Variants in PAN2 observed in about 807,000 individuals in gnomAD.
The protein encoded by PAN2 is poly(A) specific ribonuclease subunit PAN2, also known as PAN2-PAN3 deadenylation complex catalytic subunit PAN2.
In PAN2, 68 loss-of-function variants were observed where a neutral mutation model predicts 133.3. The ratio of observed to expected loss-of-function variants is 0.51; its 90% CI spans 0.42 to 0.62. The LOEUF is 0.62. Among genes scored for constraint, PAN2 ranks in the 20% least tolerant of loss-of-function variants. The pLI, the probability that PAN2 is intolerant of heterozygous loss-of-function variation, is 0.00. For missense variants in PAN2, 1,042 were observed against 1,500.5 expected (o/e 0.69, Z 5.05); for synonymous variants, 462 against 544.6 (o/e 0.85, Z 2.11).
intron 5 of PAN2, 132 bp downstream of exon 5, chr12:56,327,863 A>G (rs1875294502): frequency 6.9e-7 from 1 of 1,441,190 alleles, no homozygotes; most frequent in Admixed American, 2.5e-5. Flanking sequence ...ATCACTGAGT[A>G]GGAAGTGAAT....
intron 9 of PAN2, 68 bp downstream of exon 9, chr12:56,325,267 T>C: frequency 6.2e-7 from 1 of 1,602,080 alleles, no homozygotes; most frequent in Non-Finnish European, 8.5e-7. Flanking sequence ...CCTTCAATCC[T>C]TTCTCATATG....
chr12:56,324,023 G>A, intron 13 of PAN2, 26 bp downstream of exon 13: 1 of 1,613,928 alleles, frequency 6.2e-7, no homozygotes, highest in South Asian at 1.1e-5. Flanking sequence ...TCCCAACTGA[G>A]CTGAAGGGTA....
At position 56,319,570 on chromosome 12, in the gene PAN2, C is replaced by T. The variant is rs1874259994; in HGVS notation, c.3090+51G>A. On this transcript the variant is annotated intron_variant, in intron 22 of 25. Coordinates refer to ENST00000440411, the MANE Select transcript of PAN2 (RefSeq NM_014871.6). This position sits in a 1 kb window ranked among gnomAD's most constrained non-coding sequence, Gnocchi z 5.4. Reference sequence around the variant, plus strand: ...TCACTCTTCCCTGGGTTCTTGAGCACTGTAAGTAAGCACCAGGGTGTGCCT... The same window carrying T: ...TCACTCTTCCCTGGGTTCTTGAGCATTGTAAGTAAGCACCAGGGTGTGCCT... 2.5e-6 allele frequency: 4 copies of T among 1,589,720 alleles called. No individual in the cohort carries two copies. The highest frequency in any genetic ancestry group is 3.4e-6 in the Non-Finnish European group (4 of 1,167,808).
chr12:56,330,988 G>A (rs902493838), intron 2 of PAN2, among the ~76,000 whole-genome samples: 5 of 151,632 alleles, frequency 3.3e-5, no homozygotes, highest in East Asian at 3.9e-4. Flanking sequence ...CAGTAGAGAC[G>A]GGGGTTTCAC....
In PAN2 at chr12:56,319,820, C is replaced by T; in HGVS notation, c.2946+44G>A. On this transcript the variant is annotated intron_variant, in intron 21 of 25. Transcript: ENST00000440411. This position sits in a 1 kb window ranked among gnomAD's most constrained non-coding sequence, Gnocchi z 5.4. ...AGAAATGCTTACAACTCCTAATATCCTCAGCGTTCTCTTCCAATGCCCCAT... is the reference window on the plus strand; with the variant it reads ...AGAAATGCTTACAACTCCTAATATCTTCAGCGTTCTCTTCCAATGCCCCAT... The T allele has an allele frequency of 3.7e-6, 6 of 1,613,524 alleles. No homozygotes were observed. The highest frequency in any genetic ancestry group is 5.1e-6 in the Non-Finnish European group (6 of 1,179,614).
At chr12:56,327,124 T>TA (rs1875210694) in intron 6 of PAN2, among the ~76,000 whole-genome samples, 165 bp from the exon 7 acceptor site, 2 of 152,252 alleles carry the variant, frequency 1.3e-5, no homozygotes, top group South Asian at 4.1e-4. Flanking sequence ...GATGGTTCGC[T>TA]ACTCAGCAAA....
intron 16 of PAN2, 30 bp from the exon 17 acceptor site, chr12:56,323,239 T>C (rs1258479972): frequency 1.2e-6 from 2 of 1,613,894 alleles, no homozygotes; most frequent in Admixed American, 1.7e-5. Context: ...GGAAATTTGT[T>C]CCGAAAGAGG....
Position 56,324,402 on chromosome 12 carries a change from C to G in PAN2, c.1820G>C (p.Gly607Ala). The G allele has an allele frequency of 6.2e-7, 1 of 1,614,192 alleles. No individual in the cohort carries two copies. The highest frequency in any genetic ancestry group is 1.6e-4 in the Middle Eastern group (1 of 6,062). The stretch of plus-strand genomic sequence containing the variant: ...CCTCTGAATGAGCCTGGCCAGATTG[C>G]CCTTGCCTGAGGCCTCATCTGAGTC... ...LADSDEASGK[G>A]NLARLIQRWN... Residue 607 changes from glycine to alanine, a missense_variant, in exon 12 of 26, where the codon GGC becomes GCC. This residue lies in a region of PAN2 where 908 missense variants were observed against 1,223.5 expected (regional missense o/e 0.74). Transcript: ENST00000440411.
intron 2 of PAN2, among the ~76,000 whole-genome samples, chr12:56,331,700 G>GC (rs1348539465): frequency 3.2e-5 from 4 of 125,332 alleles, no homozygotes; most frequent in Non-Finnish European, 7.4e-5. Flanking sequence ...GAAGGACAGC[G>GC]TTTTTTTTTT....
chr12:56,327,456 C>T lies in PAN2; in HGVS notation c.827G>A (p.Arg276His), dbSNP rs911615018. The change falls in exon 6 of 26, where the codon CGT becomes CAT. Residue 276 changes from arginine to histidine, a missense_variant. By Grantham distance (29) the Arg-to-His change is conservative (BLOSUM62 0). This residue lies in a region of PAN2 where 908 missense variants were observed against 1,223.5 expected (regional missense o/e 0.74). Coordinates refer to ENST00000440411, the MANE Select transcript of PAN2 (RefSeq NM_014871.6). Reference sequence around the variant, plus strand: ...ATGTACTTGAAGTGGTGTGATGGCACGCATCATGCGCAAATCATACACCTT... The same window carrying T: ...ATGTACTTGAAGTGGTGTGATGGCATGCATCATGCGCAAATCATACACCTT... ...FLKVYDLRMM[R>H]AITPLQVHVD... The T allele has an allele frequency of 1.9e-6, 3 of 1,614,142 alleles. No individual in the cohort carries two copies. The highest frequency in any genetic ancestry group is 2.5e-6 in the Non-Finnish European group (3 of 1,180,030).
chr12:56,325,774 A>C (rs1875052454), intron 8 of PAN2, among the ~76,000 whole-genome samples: 1 of 152,194 alleles, frequency 6.6e-6, no homozygotes, highest in South Asian at 2.1e-4. Context: ...CAATCTGGCC[A>C]CTTCTAATTT....
chr12:56,320,743 T>C (rs1874403266), intron 20 of PAN2, among the ~76,000 whole-genome samples: 2 of 146,794 alleles, frequency 1.4e-5, no homozygotes, highest in Admixed American at 6.7e-5. Flanking sequence ...GACTTACAGC[T>C]GCTTTTTTTT....
At chr12:56,331,124 C>A (rs1875791948) in intron 2 of PAN2, among the ~76,000 whole-genome samples, 1 of 152,142 alleles carries the variant, frequency 6.6e-6, no homozygotes. Flanking sequence ...CAGTACTAAT[C>A]AACACCTGAT....
rs995629448 is a variant in PAN2 at position 56,324,953 on chromosome 12, T to C, written c.1599+56A>G. 1.8e-5 allele frequency: 29 copies of C among 1,598,100 alleles called. No homozygotes were observed. The Admixed American group carries it at 3.0e-4, about 17-fold the overall frequency. On this transcript the variant is annotated intron_variant, in intron 10 of 25. Coordinates refer to ENST00000440411, the MANE Select transcript of PAN2 (RefSeq NM_014871.6). ...CTGGAAAGAGCAGGGTCGAGAGCCA[T>C]AGGGAAGAAGAAAAGCAGCAGGCAC...
intron 6 of PAN2, 128 bp downstream of exon 6, chr12:56,327,236 A>C (rs1458834143): frequency 9.6e-7 from 1 of 1,045,870 alleles, no homozygotes; most frequent in Non-Finnish European, 1.4e-6. Flanking sequence ...ACCCAAGTAA[A>C]ACCTTGGGAC....
Position 56,318,444 on chromosome 12 carries a change from G to A in PAN2, c.3365-10C>T, listed in dbSNP as rs1296670140. The A allele has an allele frequency of 6.2e-7, 1 of 1,609,862 alleles. No homozygotes were observed. The highest frequency in any genetic ancestry group is 8.5e-7 in the Non-Finnish European group (1 of 1,176,236). On this transcript the variant is annotated splice_polypyrimidine_tract_variant and intron_variant, in intron 24 of 25. Coordinates refer to ENST00000440411, the MANE Select transcript of PAN2 (RefSeq NM_014871.6). Reference sequence around the variant, plus strand: ...CCTTGAATCTTCAGGTCTGGGGTAAGTAAAGGTGGAATAGTTTGGGACCCA... The same window carrying A: ...CCTTGAATCTTCAGGTCTGGGGTAAATAAAGGTGGAATAGTTTGGGACCCA...
Position 56,319,706 on chromosome 12 carries a change from G to A in PAN2, c.3005C>T (p.Ser1002Leu). 6.2e-7 allele frequency: 1 copy of A among 1,614,072 alleles called. No individual in the cohort carries two copies. The highest frequency in any genetic ancestry group is 1.3e-5 in the African/African-American group (1 of 75,042). ...TKSTIKPSQM[S>L]VARITCVRGQ... ...CCGAACACAGGTAATCCTGGCTACTGACATCTGGCTTGGTTTAATGGTAGA... is the reference window on the plus strand; with the variant it reads ...CCGAACACAGGTAATCCTGGCTACTAACATCTGGCTTGGTTTAATGGTAGA... The change falls in exon 22 of 26, where the codon TCA becomes TTA. Residue 1002 changes from serine to leucine, a missense_variant. Physicochemically the swap from Ser to Leu is moderately radical, Grantham distance 145. Transcript: ENST00000440411. This position sits in a 1 kb window ranked among gnomAD's most constrained non-coding sequence, Gnocchi z 5.4.
At chr12:56,320,625 C>T (rs1369636794) in intron 20 of PAN2, among the ~76,000 whole-genome samples, 1 of 151,102 alleles carries the variant, frequency 6.6e-6, no homozygotes, top group Non-Finnish European at 1.5e-5. Context: ...GCCTGGGCAA[C>T]AAGAGCGAAA....
rs200635843 is a variant in PAN2, at chr12:56,328,301, G to A, written c.510C>T (p.Leu170=). 47 of 1,609,648 alleles carry A rather than the reference G, an allele frequency of 2.9e-5. No individual in the cohort carries two copies. The highest frequency in any genetic ancestry group is 6.7e-5 in the African/African-American group (5 of 74,808). Residue 170 remains leucine, a synonymous_variant, in exon 4 of 26, where the codon CTC becomes CTT. Coordinates refer to ENST00000440411, the MANE Select transcript of PAN2 (RefSeq NM_014871.6). ...SLLLTDSSTL[L]VGGLQNHIIE... is the part of the protein sequence containing the mutation. Reference sequence around the variant, plus strand: ...TTATGTGATTCTGCAGCCCACCAACGAGTAGAGTGCTGCTGTCAGTCAGTA... The same window carrying A: ...TTATGTGATTCTGCAGCCCACCAACAAGTAGAGTGCTGCTGTCAGTCAGTA...
Sources: gnomAD v4.1 joint callset for allele counts (sites outside exome capture counted in the v4.1 genomes callset) on GRCh38, gnomAD v4.1.1 for gene constraint, gnomAD v4.1.1 regional missense constraint, Gnocchi (gnomAD v3.1) non-coding constraint, MANE v1.5 for transcripts, NCBI Gene and HGNC (gene_info 2026-07-23, HGNC 2026-07-21) for gene names.